BBS9: variants seen among roughly 807,000 people sequenced by gnomAD.
BBS9 encodes protein PTHB1.
BBS9 carries 89 observed loss-of-function variants against 117.7 expected under a neutral mutation model. The observed-to-expected ratio is 0.76, with a 90% CI of 0.64 to 0.90. The LOEUF (loss-of-function observed/expected upper bound fraction) is 0.90, where lower values mean the gene tolerates loss of function less well. BBS9 is among the 40% of genes least tolerant of loss of function. BBS9 has a pLI of 0.00. For synonymous variants in BBS9, 379 were observed against 370.9 expected (o/e 1.02, Z -0.25); for missense variants, 982 against 1,042.2 (o/e 0.94, Z 0.80).
At chr7:33,606,323 AT>A, downstream of BBS9, among the ~76,000 whole-genome samples, 1 of 152,316 alleles carries the variant, frequency 6.6e-6, no homozygotes, top group Admixed American at 6.5e-5. Flanking sequence ...TACAAAAACA[AT>A]TATAGAGATG....
intron 21 of BBS9, among the ~76,000 whole-genome samples, chr7:33,574,154 C>A (rs369297158): frequency 1.3e-5 from 2 of 152,106 alleles, no homozygotes; most frequent in African/African-American, 4.8e-5. Flanking sequence ...CATCATCTTT[C>A]CTTTTACAAA....
At chr7:33,245,858 G>T (rs1167068888) in intron 5 of BBS9, among the ~76,000 whole-genome samples, 1 of 152,058 alleles carries the variant, frequency 6.6e-6, no homozygotes, top group African/African-American at 2.4e-5. Context: ...TTTAGGGCAG[G>T]GTTATTTTAC....
At chr7:33,513,574 C>T (rs910725396) in intron 20 of BBS9, among the ~76,000 whole-genome samples, 1 of 152,078 alleles carries the variant, frequency 6.6e-6, no homozygotes, top group Non-Finnish European at 1.5e-5. Context: ...AGTATACTAC[C>T]TCTGTTTCCA....
intron 4 of BBS9, among the ~76,000 whole-genome samples, chr7:33,156,270 TG>T (rs1433859453): frequency 6.6e-6 from 1 of 152,224 alleles, no homozygotes; most frequent in Non-Finnish European, 1.5e-5. Context: ...TATTTTATTT[TG>T]GCCTTTATTA....
intron 1 of BBS9, among the ~76,000 whole-genome samples, chr7:33,133,040 T>A (rs939541394): frequency 6.6e-6 from 1 of 152,160 alleles, no homozygotes; most frequent in Non-Finnish European, 1.5e-5. Flanking sequence ...TCAATCCGCC[T>A]TGGCCTCCCA....
At chr7:33,557,471 A>G (rs1307283651) in intron 21 of BBS9, among the ~76,000 whole-genome samples, 2 of 152,180 alleles carry the variant, frequency 1.3e-5, no homozygotes, top group Non-Finnish European at 2.9e-5. Flanking sequence ...CCATACTTTG[A>G]TTTTTATTGT....
At chr7:33,180,351 C>T (rs570124434) in intron 5 of BBS9, among the ~76,000 whole-genome samples, 2 of 146,264 alleles carry the variant, frequency 1.4e-5, no homozygotes, top group African/African-American at 5.1e-5. Flanking sequence ...GTAAAATTGC[C>T]TTGCTGAGAA....
chr7:33,246,391 A>G (rs1795336195), intron 5 of BBS9, among the ~76,000 whole-genome samples: 1 of 151,770 alleles, frequency 6.6e-6, no homozygotes, highest in South Asian at 2.1e-4. Context: ...GATGCTAATG[A>G]TTTAAGATTA....
At chr7:33,225,754 G>C (rs1791141865) in intron 5 of BBS9, among the ~76,000 whole-genome samples, 1 of 146,216 alleles carries the variant, frequency 6.8e-6, no homozygotes, top group Non-Finnish European at 1.5e-5. Flanking sequence ...TGTGGGTGCT[G>C]GTGGTGTTCA....
chr7:33,141,880 A>T (rs1036706185), intron 1 of BBS9, among the ~76,000 whole-genome samples: 1 of 151,722 alleles, frequency 6.6e-6, no homozygotes, highest in Non-Finnish European at 1.5e-5. Context: ...TTTTTTTTTC[A>T]TTCAGCATAA....
At chr7:33,281,704 A>G (rs947989582) in intron 9 of BBS9, among the ~76,000 whole-genome samples, 2 of 151,876 alleles carry the variant, frequency 1.3e-5, no homozygotes, top group Non-Finnish European at 2.9e-5. Flanking sequence ...AGGTTCATTT[A>G]ATTTTCCCAG....
chr7:33,379,700 T>C (rs1038235818), intron 17 of BBS9, among the ~76,000 whole-genome samples: 1 of 152,092 alleles, frequency 6.6e-6, no homozygotes, highest in Non-Finnish European at 1.5e-5. Flanking sequence ...ATTTATGATA[T>C]CTCTGCCCTT....
At chr7:33,620,640 A>G (rs1865360095) in intron 21 of BBS9, among the ~76,000 whole-genome samples, 1 of 152,198 alleles carries the variant, frequency 6.6e-6, no homozygotes, top group Non-Finnish European at 1.5e-5. Flanking sequence ...AGGAGAATTA[A>G]TATTGTTAAA....
chr7:33,244,909 A>G (rs773584284), intron 5 of BBS9, among the ~76,000 whole-genome samples: 2 of 152,160 alleles, frequency 1.3e-5, no homozygotes, highest in African/African-American at 4.8e-5. Context: ...TTGTTTTATG[A>G]TATACCATCC....
intron 20 of BBS9, among the ~76,000 whole-genome samples, chr7:33,520,442 T>TA (rs1848442460): frequency 6.6e-6 from 1 of 152,236 alleles, no homozygotes; most frequent in Admixed American, 6.5e-5. Flanking sequence ...AATAACTACC[T>TA]ACATTTGCTA....
intron 5 of BBS9, among the ~76,000 whole-genome samples, chr7:33,219,010 C>T (rs951494003): frequency 5.3e-5 from 8 of 152,328 alleles, no homozygotes; most frequent in African/African-American, 1.4e-4. Context: ...CTGCGGGCGG[C>T]GCTTGCGGGC....
At chr7:33,540,730 G>C (rs996823682) in intron 21 of BBS9, among the ~76,000 whole-genome samples, 4 of 152,206 alleles carry the variant, frequency 2.6e-5, no homozygotes, top group Non-Finnish European at 5.9e-5. Flanking sequence ...CAATGACCAT[G>C]TGTTTATGGA....
chr7:33,300,556 T>A (rs554028819), intron 9 of BBS9, among the ~76,000 whole-genome samples: 1 of 152,252 alleles, frequency 6.6e-6, no homozygotes, highest in South Asian at 2.1e-4. Context: ...TTCCTTGCAG[T>A]TGCCAGGGTT....
intron 21 of BBS9, among the ~76,000 whole-genome samples, chr7:33,553,294 C>T (rs1295193896): frequency 6.6e-6 from 1 of 152,178 alleles, no homozygotes; most frequent in East Asian, 1.9e-4. Flanking sequence ...TCATGAAGAG[C>T]TGGACAATGT....
Sources: allele counts gnomAD v4.1 joint callset (sites outside exome capture counted in the v4.1 genomes callset), GRCh38; gene constraint gnomAD v4.1.1; transcripts MANE v1.5; gene names NCBI Gene and HGNC (gene_info 2026-07-23, HGNC 2026-07-21).